The following PRDM12 variants were observed in gnomAD, a reference collection of about 807,000 sequenced individuals.
The protein encoded by PRDM12 is PR/SET domain 12, also known as PR domain zinc finger protein 12.
In PRDM12, 17 loss-of-function variants were observed where a neutral mutation model predicts 29.6. That is an observed-to-expected ratio of 0.57 (90% confidence interval 0.39 to 0.86). The LOEUF (loss-of-function observed/expected upper bound fraction) is 0.86. PRDM12 is among the 40% of genes least tolerant of loss of function. The pLI, the probability that PRDM12 is intolerant of heterozygous loss-of-function variation, is 0.00. For synonymous variants in PRDM12, 231 were observed against 225.8 expected, an observed-to-expected ratio of 1.02 and a Z score of -0.21; for missense variants, 422 against 510.8, an observed-to-expected ratio of 0.83 and a Z score of 1.68.
chr9:130,673,789 A>C (rs1397933961), intron 3 of PRDM12, among the ~76,000 whole-genome samples: 1 of 147,696 alleles, frequency 6.8e-6, no homozygotes, highest in Non-Finnish European at 1.5e-5. Context: ...CTCCTGCCTC[A>C]GCCTCCTGCG....
intron 3 of PRDM12, among the ~76,000 whole-genome samples, chr9:130,677,611 T>C (rs555397372): frequency 2.4e-4 from 36 of 152,294 alleles, no homozygotes; most frequent in South Asian, 6.2e-4. Flanking sequence ...GGATGTCCCT[T>C]CTCTCATACG....
intron 3 of PRDM12, among the ~76,000 whole-genome samples, chr9:130,670,427 G>T (rs765125282): frequency 6.6e-6 from 1 of 152,142 alleles, no homozygotes; most frequent in Non-Finnish European, 1.5e-5. Context: ...TCCCAGCTGA[G>T]GGGGGTGGTG....
rs1267939245 is a variant in PRDM12 at position 130,679,727 on chromosome 9, CT to C, written c.682+1089del. Among the ~76,000 whole-genome samples the C allele has an allele frequency of 2.0e-5, 3 of 152,278 alleles. No individual in the cohort carries two copies. The East Asian group carries it at 5.8e-4, about 30-fold the overall frequency. On this transcript the variant is annotated intron_variant, in intron 4 of 4. Transcript: ENST00000253008. ...CCAGGCTGGAGTGCAGTGGCACTAT[CT>C]TGGTTCACTACAGCCTCAACCACCT...
Position 130,681,345 on chromosome 9 carries a change from G to C in PRDM12, c.780G>C (p.Ser260=), listed in dbSNP as rs1232130029. The C allele has an allele frequency of 6.4e-7, 1 of 1,572,310 alleles. No individual in the cohort carries two copies. The highest frequency in any genetic ancestry group is 8.6e-7 in the Non-Finnish European group (1 of 1,158,462). The change falls in exon 5 of 5, where the codon TCG becomes TCC. Residue 260 remains serine (S), a synonymous_variant. Coordinates refer to ENST00000253008, the MANE Select transcript of PRDM12 (RefSeq NM_021619.3). This position sits in a 1 kb window ranked among gnomAD's most constrained non-coding sequence, Gnocchi z 8.1. The stretch of plus-strand genomic sequence containing the variant: ...TCAACTCGCGCAGCAACCTGCGCTC[G>C]CACATGCGCATCCACACGCTGGACA... ...RGFNSRSNLR[S]HMRIHTLDKP... is the part of the protein sequence containing the mutation.
Position 130,681,546 on chromosome 9 carries a change from C to T in PRDM12, c.981C>T (p.Ser327=). The change falls in exon 5 of 5, where the codon AGC becomes AGT. Residue 327 remains serine (S), a synonymous_variant. Transcript: ENST00000253008. This position sits in a 1 kb window ranked among gnomAD's most constrained non-coding sequence, Gnocchi z 8.1. ...HQKSARHRPP[S]TALQAHSPAL... Reference sequence around the variant, plus strand: ...AGAGCGCGCGGCACCGGCCGCCCAGCACCGCGCTGCAGGCACACTCGCCCG... The same window carrying T: ...AGAGCGCGCGGCACCGGCCGCCCAGTACCGCGCTGCAGGCACACTCGCCCG... 7.9e-7 allele frequency: 1 copy of T among 1,266,506 alleles called. No homozygotes were observed. The highest frequency in any genetic ancestry group is 1.0e-6 in the Non-Finnish European group (1 of 1,003,858). The allele number at this position is 1,266,506 out of a possible 1,614,324, so 78.5% of individuals were successfully genotyped here.
intron 3 of PRDM12, among the ~76,000 whole-genome samples, chr9:130,678,208 G>C (rs1056502503): frequency 1.3e-5 from 2 of 151,846 alleles, no homozygotes; most frequent in Admixed American, 6.6e-5. Flanking sequence ...GAATGGAAAA[G>C]GTTTCTAGTT....
chr9:130,666,731 C>T lies in PRDM12; in HGVS notation c.347C>T (p.Pro116Leu). ...ATCAAGGCGGGAACCGAGATGGGCCCCTTCACCGGCCGCGTGATCGCCCCG... is the reference window on the plus strand; with the variant it reads ...ATCAAGGCGGGAACCGAGATGGGCCTCTTCACCGGCCGCGTGATCGCCCCG... ...TWIKAGTEMG[P>L]FTGRVIAPEH... The change falls in exon 2 of 5, where the codon CCC (proline) becomes CTC (leucine). Residue 116 changes from proline (P) to leucine (L), a missense_variant. Pro to Leu is a moderately conservative substitution (Grantham distance 98). Coordinates refer to ENST00000253008, the MANE Select transcript of PRDM12 (RefSeq NM_021619.3). 6.2e-7 allele frequency: 1 copy of T among 1,613,154 alleles called. No homozygotes were observed. Among genetic ancestry groups the T allele is most frequent in the Non-Finnish European group, 8.5e-7 (1 of 1,179,778 alleles).
chr9:130,665,384 G>C (rs1322197253), intron 1 of PRDM12, among the ~76,000 whole-genome samples: 7 of 152,108 alleles, frequency 4.6e-5, no homozygotes, highest in Non-Finnish European at 1.0e-4. Flanking sequence ...AGCGAGAAAA[G>C]TTTCTTTTCT....
At chr9:130,673,864 T>C (rs56188740) in intron 3 of PRDM12, among the ~76,000 whole-genome samples, 23,451 of 151,336 alleles carry the variant, frequency 0.15, 1,908 homozygotes, top group East Asian at 0.3. Flanking sequence ...AGACACAGGG[T>C]TTCTCCATGT....
chr9:130,669,401 T>G (rs1830766693), intron 3 of PRDM12, among the ~76,000 whole-genome samples: 1 of 152,040 alleles, frequency 6.6e-6, no homozygotes, highest in Non-Finnish European at 1.5e-5. Context: ...CAGACGCCTG[T>G]AATCTCAGCT....
chr9:130,677,352 A>G (rs1057445887), intron 3 of PRDM12, among the ~76,000 whole-genome samples: 1 of 152,192 alleles, frequency 6.6e-6, no homozygotes, highest in African/African-American at 2.4e-5. Context: ...TGCAGGCTGA[A>G]CCAAGCAGAC....
At chr9:130,665,035 C>T (rs1038485974) in intron 1 of PRDM12, among the ~76,000 whole-genome samples, 159 bp downstream of exon 1, 5 of 152,106 alleles carry the variant, frequency 3.3e-5, no homozygotes, top group African/African-American at 7.2e-5. Flanking sequence ...TCCCCATGGG[C>T]CAAACCAGGA....
At chr9:130,677,067 G>C (rs1486803413) in intron 3 of PRDM12, among the ~76,000 whole-genome samples, 1 of 152,214 alleles carries the variant, frequency 6.6e-6, no homozygotes, top group African/African-American at 2.4e-5. Flanking sequence ...GGGACTACAG[G>C]CATGCGCCAC....
At position 130,682,905 on chromosome 9, in the gene PRDM12, T is replaced by C. The variant is rs1403877572; in HGVS notation, c.*1236T>C. The C allele has an allele frequency of 6.5e-6, 1 of 152,684 alleles. No homozygotes were observed. Among genetic ancestry groups the C allele is most frequent in the East Asian group, 1.9e-4 (1 of 5,206 alleles). The allele number at this position is 152,684 out of a possible 1,614,324, so 9.5% of individuals were successfully genotyped here. ...TATTTACAAAACTGTAATATATTATTATTTGATTGTATATGTACAACTGTA... is the reference window on the plus strand; with the variant it reads ...TATTTACAAAACTGTAATATATTATCATTTGATTGTATATGTACAACTGTA... On this transcript the variant is annotated 3_prime_UTR_variant, in exon 5 of 5. Transcript: ENST00000253008. This position sits in a 1 kb window ranked among gnomAD's most constrained non-coding sequence, Gnocchi z 4.2.
At chr9:130,676,371 C>T (rs1232607099) in intron 3 of PRDM12, among the ~76,000 whole-genome samples, 1 of 152,052 alleles carries the variant, frequency 6.6e-6, no homozygotes, top group Non-Finnish European at 1.5e-5. Context: ...TGGCGGGCAC[C>T]TGTAGTCCCA....
chr9:130,681,601 G>A lies in PRDM12; in HGVS notation c.1036G>A (p.Ala346Thr). 1.0e-6 allele frequency: 1 copy of A among 965,338 alleles called. No homozygotes were observed. The allele number at this position is 965,338 out of a possible 1,614,324, so 59.8% of individuals were successfully genotyped here. A position where few individuals can be genotyped will look rare whatever the true frequency, so the allele number is the denominator to read the frequency against. ...ALPAPHAHAP[A>T]LAAAAAAAAA... ...GCCCGCCCCGCACGCGCACGCGCCC[G>A]CGCTCGCCGCCGCCGCCGCCGCCGC... Residue 346 changes from alanine to threonine, a missense_variant, in exon 5 of 5, where the codon GCG becomes ACG. By Grantham distance (58) the Ala-to-Thr change is moderately conservative (BLOSUM62 0). Around this residue, in one of 5 missense-constraint regions of PRDM12, gnomAD observed 66 missense variants for 61.5 expected, o/e 1.07. Coordinates refer to ENST00000253008, the MANE Select transcript of PRDM12 (RefSeq NM_021619.3). This position sits in a 1 kb window ranked among gnomAD's most constrained non-coding sequence, Gnocchi z 8.1.
intron 3 of PRDM12, among the ~76,000 whole-genome samples, chr9:130,675,877 A>T (rs1830837642): frequency 1.3e-5 from 2 of 152,180 alleles, no homozygotes; most frequent in Non-Finnish European, 2.9e-5. Flanking sequence ...GTTTCATCCA[A>T]GACTGGAAAC....
chr9:130,670,886 T>C (rs1199566473), intron 3 of PRDM12, among the ~76,000 whole-genome samples: 1 of 152,160 alleles, frequency 6.6e-6, no homozygotes, highest in Non-Finnish European at 1.5e-5. Flanking sequence ...CATCTCGCTG[T>C]GCAGGTCACA....
At chr9:130,674,528 G>T (rs1032536611) in intron 3 of PRDM12, among the ~76,000 whole-genome samples, 2 of 149,966 alleles carry the variant, frequency 1.3e-5, no homozygotes, top group African/African-American at 2.5e-5. Flanking sequence ...GTGTGTGTGT[G>T]TGTGTATAGA....
Sources: allele counts gnomAD v4.1 joint callset (sites outside exome capture counted in the v4.1 genomes callset), GRCh38; gene constraint gnomAD v4.1.1; regional missense constraint gnomAD v4.1.1; non-coding constraint Gnocchi (gnomAD v3.1); transcripts MANE v1.5; gene names NCBI Gene and HGNC (gene_info 2026-07-23, HGNC 2026-07-21).